The following TNRC6A variants were observed in gnomAD, a reference collection of about 807,000 sequenced individuals.
The protein encoded by TNRC6A is trinucleotide repeat-containing gene 6A protein.
TNRC6A carries 44 observed loss-of-function variants against 221.2 expected under a neutral mutation model. The ratio of observed to expected loss-of-function variants is 0.20; its 90% CI spans 0.16 to 0.26. The LOEUF (loss-of-function observed/expected upper bound fraction) is 0.26, where lower values mean the gene tolerates loss of function less well. Among genes scored for constraint, TNRC6A ranks in the 10% least tolerant of loss-of-function variants. The pLI is 1.00. For synonymous variants in TNRC6A, 847 were observed against 838.5 expected (o/e 1.01, Z -0.18); for missense variants, 2,199 against 2,404.4 (o/e 0.91, Z 1.79).
chr16:24,777,330 A>C lies in TNRC6A; in HGVS notation c.561A>C (p.Gly187=). The C allele has an allele frequency of 6.2e-7, 1 of 1,612,512 alleles. No individual in the cohort carries two copies. The highest frequency in any genetic ancestry group is 8.5e-7 in the Non-Finnish European group (1 of 1,179,944). ...CAAATCAACAGCCACAAAATAACGGAGAGGTGCAGAACAGCAAAAACCAGT... is the reference window on the plus strand; with the variant it reads ...CAAATCAACAGCCACAAAATAACGGCGAGGTGCAGAACAGCAAAAACCAGT... ...ALTNQQPQNN[G]EVQNSKNQSD... Residue 187 remains glycine, a synonymous_variant, in exon 5 of 25, where the codon GGA becomes GGC. Coordinates refer to ENST00000395799, the MANE Select transcript of TNRC6A (RefSeq NM_014494.4).
chr16:24,736,999 T>TG (rs2056783751), intron 2 of TNRC6A, among the ~76,000 whole-genome samples: 1 of 152,170 alleles, frequency 6.6e-6, no homozygotes, highest in African/African-American at 2.4e-5. Context: ...AATGAAACAT[T>TG]GGGGCTGGGC....
chr16:24,704,955 A>G (rs1279952198), intron 2 of TNRC6A, among the ~76,000 whole-genome samples: 1 of 152,124 alleles, frequency 6.6e-6, no homozygotes, highest in Non-Finnish European at 1.5e-5. Context: ...CATGGGCAAC[A>G]TAACGAGACC....
rs2058638403 is a variant in TNRC6A at position 24,815,524 on chromosome 16, G to A, written c.4831+219G>A. The A allele has an allele frequency of 7.4e-5, 42 of 564,696 alleles. 1 individual carries two copies. The South Asian group carries it at 8.2e-4, about 11-fold the overall frequency. 35.0% of individuals were successfully genotyped at this position (564,696 alleles called of 1,614,324 possible). A position where few individuals can be genotyped will look rare whatever the true frequency, so the allele number is the denominator to read the frequency against. On this transcript the variant is annotated intron_variant, in intron 19 of 24. Transcript: ENST00000395799. ...ATGCCTTTATGCTCAAGCAGCAGAGGTAGAAGTGAGCCCCATTGACCAGCA... is the reference window on the plus strand; with the variant it reads ...ATGCCTTTATGCTCAAGCAGCAGAGATAGAAGTGAGCCCCATTGACCAGCA...
chr16:24,757,156 G>T (rs2057269210), intron 3 of TNRC6A, among the ~76,000 whole-genome samples: 1 of 151,538 alleles, frequency 6.6e-6, no homozygotes, highest in South Asian at 2.1e-4. Flanking sequence ...TTTAAATTTT[G>T]ATCCATAGAG....
chr16:24,638,724 A>G (rs937376339), intron 1 of TNRC6A, among the ~76,000 whole-genome samples: 1 of 152,086 alleles, frequency 6.6e-6, no homozygotes, highest in Non-Finnish European at 1.5e-5. Context: ...AAAAAAAACA[A>G]AAAACAAAAA....
At chr16:24,730,230 T>C in intron 1 of TNRC6A, 23 bp from the exon 2 acceptor site, 1 of 1,598,634 alleles carries the variant, frequency 6.3e-7, no homozygotes, top group South Asian at 1.1e-5. Context: ...TGTTTTGTTT[T>C]TGTTTTTGTT....
intron 1 of TNRC6A, among the ~76,000 whole-genome samples, chr16:24,625,737 CAAAAAAAAA>C (rs749882396): frequency 1.2e-4 from 3 of 24,052 alleles, no homozygotes; most frequent in Non-Finnish European, 1.7e-4. Context: ...CGTCTCAAAA[CAAAAAAAAA>C]AAAAAAAAAA....
At chr16:24,811,720 C>G (rs946076636) in intron 18 of TNRC6A, among the ~76,000 whole-genome samples, 1 of 151,756 alleles carries the variant, frequency 6.6e-6, no homozygotes. Context: ...CTAGTATAGT[C>G]ATTATCCAGG....
At chr16:24,795,613 A>C in intron 8 of TNRC6A, 1 of 343,144 alleles carries the variant, frequency 2.9e-6, no homozygotes, top group Non-Finnish European at 5.2e-6. Flanking sequence ...CTGGGATTCT[A>C]AGTCTAGGAC....
chr16:24,758,316 T>C lies in TNRC6A; in HGVS notation c.142-23T>C, dbSNP rs757041762. 1.9e-6 allele frequency: 3 copies of C among 1,599,026 alleles called. No homozygotes were observed. The Admixed American group carries it at 5.0e-5, about 27-fold the overall frequency. On this transcript the variant is annotated intron_variant, in intron 3 of 24. Transcript: ENST00000395799. ...TTCAGTTTCATATTTACATTGTTTT[T>C]TGTTTGTTTGTTTTTATTTTAGGCC... is the stretch of plus-strand genomic sequence containing the variant.
At chr16:24,819,157 G>C in intron 21 of TNRC6A, among the ~76,000 whole-genome samples, 1 of 152,294 alleles carries the variant, frequency 6.6e-6, no homozygotes, top group South Asian at 2.1e-4. Context: ...TTCTGGACTC[G>C]TCCTGCAGCA....
intron 2 of TNRC6A, among the ~76,000 whole-genome samples, chr16:24,700,810 C>G (rs1255673679): frequency 6.6e-6 from 1 of 152,212 alleles, no homozygotes; most frequent in Non-Finnish European, 1.5e-5. Context: ...CACTAGCCAG[C>G]ATGTTGAACA....
chr16:24,684,674 C>A (rs2055592635), intron 2 of TNRC6A, among the ~76,000 whole-genome samples: 1 of 151,128 alleles, frequency 6.6e-6, no homozygotes, highest in Non-Finnish European at 1.5e-5. Flanking sequence ...AGTGAAGTGA[C>A]AGTTGTCTTT....
intron 2 of TNRC6A, among the ~76,000 whole-genome samples, chr16:24,697,768 A>G (rs11858991): frequency 0.77 from 116,663 of 151,936 alleles, 45,395 homozygotes; most frequent in African/African-American, 0.89. Flanking sequence ...GGGGCCGGGC[A>G]TGGTGGCTCA....
intron 2 of TNRC6A, among the ~76,000 whole-genome samples, chr16:24,673,250 A>G (rs886247645): frequency 1.1e-4 from 16 of 152,228 alleles, no homozygotes; most frequent in Non-Finnish European, 1.5e-4. Context: ...GTGTGTGTAC[A>G]AACTTTGATA....
chr16:24,768,952 T>G (rs976493584), intron 4 of TNRC6A, among the ~76,000 whole-genome samples: 4 of 152,240 alleles, frequency 2.6e-5, no homozygotes, highest in Non-Finnish European at 5.9e-5. Context: ...CTTCTTTCTG[T>G]TAAACTTGTA....
intron 4 of TNRC6A, among the ~76,000 whole-genome samples, chr16:24,774,727 C>T (rs2057683957): frequency 6.6e-6 from 1 of 152,158 alleles, no homozygotes; most frequent in South Asian, 2.1e-4. Flanking sequence ...TTTTATGTTC[C>T]TCATAATGTT....
rs911268276 is a variant in TNRC6A at position 24,824,662 on chromosome 16, C to G, written c.*855C>G. The G allele has an allele frequency of 1.3e-5, 2 of 151,344 alleles. No individual in the cohort carries two copies. Among genetic ancestry groups the G allele is most frequent in the African/African-American group, 4.9e-5 (2 of 40,966 alleles). The allele number at this position is 151,344 out of a possible 1,614,324, so 9.4% of individuals were successfully genotyped here. The stretch of plus-strand genomic sequence containing the variant: ...AAAATGGAGGATGATTTAAAAGATG[C>G]TTTCTATCTCTGGGAAAAAGGAGCA... On this transcript the variant is annotated 3_prime_UTR_variant, in exon 25 of 25. Transcript: ENST00000395799.
rs1168463523 is a variant in TNRC6A at position 24,820,206 on chromosome 16, G to C, written c.5148G>C (p.Glu1716Asp). The change falls in exon 22 of 25, where the codon GAG becomes GAC. Residue 1716 changes from glutamate (E) to aspartate (D), a missense_variant. Glu to Asp is a conservative substitution (Grantham distance 45, BLOSUM62 2). Transcript: ENST00000395799. ...TTACAAACACCTCTCTGGCTCATGA[G>C]CTGTGGAAGGTCCCTTTGCCACCTA... ...GSVTNTSLAH[E>D]LWKVPLPPKN... The C allele has an allele frequency of 1.9e-6, 3 of 1,614,116 alleles. No homozygotes were observed. The Admixed American group carries it at 5.0e-5, about 27-fold the overall frequency.
Sources: allele counts gnomAD v4.1 joint callset (sites outside exome capture counted in the v4.1 genomes callset), GRCh38; gene constraint gnomAD v4.1.1; transcripts MANE v1.5; gene names NCBI Gene and HGNC (gene_info 2026-07-23, HGNC 2026-07-21).